Variants in FAM114A1 observed in about 807,000 individuals in gnomAD.
The protein encoded by FAM114A1 is protein NOXP20.
FAM114A1 carries 62 observed loss-of-function variants against 64.3 expected under a neutral mutation model. That is an observed-to-expected ratio of 0.96 (90% CI 0.79 to 1.19). FAM114A1 has a LOEUF of 1.19. Among genes scored for constraint, FAM114A1 ranks in the 50% most tolerant of loss-of-function variants. The pLI, the probability that FAM114A1 is intolerant of heterozygous loss-of-function variation, is 0.00. For missense variants in FAM114A1, 645 were observed against 676.3 expected, an observed-to-expected ratio of 0.95 and a Z score of 0.51; for synonymous variants, 254 against 251.1, an observed-to-expected ratio of 1.01 and a Z score of -0.11.
At chr4:38,942,490 G>A (rs1296259612) in intron 14 of FAM114A1, among the ~76,000 whole-genome samples, 1 of 152,138 alleles carries the variant, frequency 6.6e-6, no homozygotes, top group East Asian at 1.9e-4. Flanking sequence ...CCACCCAGAA[G>A]GCATAAAATT....
At chr4:38,884,736 G>A (rs1409502971) in intron 3 of FAM114A1, among the ~76,000 whole-genome samples, 2 of 152,128 alleles carry the variant, frequency 1.3e-5, no homozygotes, top group African/African-American at 4.8e-5. Context: ...TTGTTTAGGT[G>A]CTTTGATCAC....
chr4:38,935,629 A>G, intron 12 of FAM114A1, 89 bp from the exon 13 acceptor site: 2 of 871,334 alleles, frequency 2.3e-6, no homozygotes, highest in Middle Eastern at 3.5e-4. Flanking sequence ...TTTAAATGTC[A>G]TACTGAATTA....
At position 38,943,514 on chromosome 4, in the gene FAM114A1, A is replaced by G. The variant is rs773272688; in HGVS notation, c.1649A>G (p.Gln550Arg). 18 of 1,613,970 alleles carry G rather than the reference A, an allele frequency of 1.1e-5. No homozygotes were observed. The East Asian group carries it at 2.7e-4, about 24-fold the overall frequency. Residue 550 changes from glutamine (Q) to arginine (R), a missense_variant, in exon 15 of 15, where the codon CAG becomes CGG. Physicochemically the swap from Gln to Arg is conservative, Grantham distance 43. Coordinates refer to ENST00000358869, the MANE Select transcript of FAM114A1 (RefSeq NM_138389.4). ...TTCCAGCTGCTGCTGCCTGTTCTGC[A>G]GGTCTCACATATCCAGACCAGTTGT... ...DAFQLLLPVL[Q>R]VSHIQTSCLK...
At chr4:38,880,173 T>TAGAATAGAAA (rs1560288320) in intron 3 of FAM114A1, among the ~76,000 whole-genome samples, 1 of 141,208 alleles carries the variant, frequency 7.1e-6, no homozygotes, top group Non-Finnish European at 1.6e-5. Context: ...TAGAATAGAA[T>TAGAATAGAAA]AGAAAATATT....
intron 7 of FAM114A1, among the ~76,000 whole-genome samples, chr4:38,910,971 T>C (rs201333111): frequency 1.3e-5 from 2 of 152,270 alleles, no homozygotes; most frequent in East Asian, 3.9e-4. Flanking sequence ...AGTGACAGAA[T>C]CTGATTTGTG....
chr4:38,870,123 C>T (rs905917626), intron 2 of FAM114A1, among the ~76,000 whole-genome samples: 13 of 152,196 alleles, frequency 8.5e-5, no homozygotes, highest in South Asian at 4.1e-4. Context: ...CATCCCTTGA[C>T]GCCTGCAGGA....
Position 38,895,968 on chromosome 4 carries a change from G to A in FAM114A1, c.436+4138G>A, listed in dbSNP as rs777706250. Among the ~76,000 whole-genome samples, 7 of 152,058 alleles carry A rather than the reference G, an allele frequency of 4.6e-5. No individual in the cohort carries two copies. In the East Asian group the frequency reaches 5.8e-4, roughly 13 times the overall value. ...GTAAGTTTGTCATGTGGTGCATCCCGCCTACCTTAATTCTCTTCTCGTCTC... is the reference window on the plus strand; with the variant it reads ...GTAAGTTTGTCATGTGGTGCATCCCACCTACCTTAATTCTCTTCTCGTCTC... On this transcript the variant is annotated intron_variant, in intron 4 of 14. Coordinates refer to ENST00000358869, the MANE Select transcript of FAM114A1 (RefSeq NM_138389.4).
At chr4:38,885,088 C>T (rs1715665253) in intron 3 of FAM114A1, among the ~76,000 whole-genome samples, 1 of 152,128 alleles carries the variant, frequency 6.6e-6, no homozygotes, top group Non-Finnish European at 1.5e-5. Context: ...GATTCTCTTG[C>T]CTCAGCCTCC....
intron 8 of FAM114A1, among the ~76,000 whole-genome samples, chr4:38,920,635 AAC>A (rs1328579443): frequency 6.6e-6 from 1 of 152,252 alleles, no homozygotes; most frequent in Non-Finnish European, 1.5e-5. Flanking sequence ...GACATAGGCA[AAC>A]ACAAATGTTC....
intron 3 of FAM114A1, among the ~76,000 whole-genome samples, chr4:38,881,400 CTAA>C (rs1715259167): frequency 6.6e-6 from 1 of 152,216 alleles, no homozygotes; most frequent in East Asian, 1.9e-4. Flanking sequence ...GGAGAAATTC[CTAA>C]TAATAGAGCA....
chr4:38,886,135 A>T (rs920365906), intron 3 of FAM114A1, among the ~76,000 whole-genome samples: 6 of 151,336 alleles, frequency 4.0e-5, no homozygotes, highest in Non-Finnish European at 1.5e-5. Flanking sequence ...CTGTGGAGGG[A>T]GGATGGACAA....
In FAM114A1 at chr4:38,943,497, G is replaced by C. The variant is rs569053736; in HGVS notation, c.1632G>C (p.Leu544=). 6.2e-7 allele frequency: 1 copy of C among 1,614,116 alleles called. No homozygotes were observed. The highest frequency in any genetic ancestry group is 1.3e-5 in the African/African-American group (1 of 75,046). Residue 544 remains leucine, a synonymous_variant, in exon 15 of 15, where the codon CTG becomes CTC. Coordinates refer to ENST00000358869, the MANE Select transcript of FAM114A1 (RefSeq NM_138389.4). ...CGTACATACAGGATGCCTTCCAGCT[G>C]CTGCTGCCTGTTCTGCAGGTCTCAC... is the stretch of plus-strand genomic sequence containing the variant. ...STTYIQDAFQ[L]LLPVLQVSHI...
chr4:38,902,978 A>G (rs765132923), intron 4 of FAM114A1, among the ~76,000 whole-genome samples: 1 of 152,144 alleles, frequency 6.6e-6, no homozygotes, highest in Non-Finnish European at 1.5e-5. Context: ...ATGAAAAATT[A>G]TAGCTCATAC....
rs774476491 is a variant in FAM114A1 at position 38,878,225 on chromosome 4, A to G, written c.147A>G (p.Arg49=). The G allele has an allele frequency of 2.5e-6, 4 of 1,614,216 alleles. No homozygotes were observed. Among genetic ancestry groups the G allele is most frequent in the Non-Finnish European group, 3.4e-6 (4 of 1,180,036 alleles). The change falls in exon 3 of 15, where the codon AGA becomes AGG. Residue 49 remains arginine, a synonymous_variant. Transcript: ENST00000358869. ...ATGAGCCAACACCAGCTGACCCCAG[A>G]GGGGAGGGGCATGAAAATGCAGCTG... ...VSHEPTPADP[R]GEGHENAAVQ... is the part of the protein sequence containing the mutation.
At position 38,874,092 on chromosome 4, in the gene FAM114A1, G is replaced by T. The variant is rs145816305; in HGVS notation, c.-8-3979G>T. ...CCACTGACTGAATGTAAGAAAAGAGGCAGATGGCATTGCTGATAGGGCTCT... is the reference window on the plus strand; with the variant it reads ...CCACTGACTGAATGTAAGAAAAGAGTCAGATGGCATTGCTGATAGGGCTCT... On this transcript the variant is annotated intron_variant, in intron 2 of 14. Transcript: ENST00000358869. Among the ~76,000 whole-genome samples, 1,298 of 152,306 alleles carry T rather than the reference G, an allele frequency of 8.5e-3. 6 individuals are homozygous for T. The highest frequency in any genetic ancestry group is 0.082 in the Middle Eastern group (24 of 294).
At position 38,931,501 on chromosome 4, in the gene FAM114A1, A is replaced by C; in HGVS notation, c.1212A>C (p.Ser404=). The stretch of plus-strand genomic sequence containing the variant: ...TGGAAGAGGATCAAACCGTGGTGTC[A>C]GTAGATGTGGCAAAAGTGTCCGAAG... ...DWVEEDQTVV[S]VDVAKVSEEE... The change falls in exon 11 of 15, where the codon TCA becomes TCC. Residue 404 remains serine, a synonymous_variant. Transcript: ENST00000358869. 1 of 1,614,150 alleles carries C rather than the reference A, an allele frequency of 6.2e-7. No homozygotes were observed. The highest frequency in any genetic ancestry group is 8.5e-7 in the Non-Finnish European group (1 of 1,180,018).
intron 2 of FAM114A1, among the ~76,000 whole-genome samples, chr4:38,874,131 C>T (rs1714374051): frequency 6.6e-6 from 1 of 152,188 alleles, no homozygotes; most frequent in African/African-American, 2.4e-5. Flanking sequence ...GTGGTTCAGT[C>T]TCAAAGTCAG....
At chr4:38,924,558 A>T (rs927945494) in intron 9 of FAM114A1, among the ~76,000 whole-genome samples, 2 of 152,176 alleles carry the variant, frequency 1.3e-5, no homozygotes, top group Non-Finnish European at 2.9e-5. Flanking sequence ...CCACACACTG[A>T]CCTTACATGC....
intron 6 of FAM114A1, among the ~76,000 whole-genome samples, chr4:38,906,241 C>G (rs1398400860): frequency 1.3e-5 from 2 of 152,046 alleles, no homozygotes; most frequent in Non-Finnish European, 2.9e-5. Flanking sequence ...TTTGAAAAAG[C>G]ATTAAACCGT....
Sources: allele counts gnomAD v4.1 joint callset (sites outside exome capture counted in the v4.1 genomes callset), GRCh38; gene constraint gnomAD v4.1.1; transcripts MANE v1.5; gene names NCBI Gene and HGNC (gene_info 2026-07-23, HGNC 2026-07-21).